KCNT2: variants seen among roughly 807,000 people sequenced by gnomAD.
KCNT2 encodes potassium sodium-activated channel subfamily T member 2, also known as potassium channel subfamily T member 2.
Under a neutral mutation model 153.8 loss-of-function variants are expected in KCNT2, and 67 were observed. The ratio of observed to expected loss-of-function variants is 0.44; its 90% CI spans 0.36 to 0.53. The LOEUF is 0.53. Ranked by LOEUF, KCNT2 falls within the 20% of genes least tolerant of loss-of-function variation. The probability of loss-of-function intolerance (pLI) is 0.00; values close to 1 mark genes in which losing one functional copy is unlikely to be tolerated. For synonymous variants in KCNT2, 500 were observed against 458.8 expected, an observed-to-expected ratio of 1.09 and a Z score of -1.15; for missense variants, 975 against 1,354.8, an observed-to-expected ratio of 0.72 and a Z score of 4.40.
At chr1:196,529,849 C>T (rs1041267116) in intron 1 of KCNT2, among the ~76,000 whole-genome samples, 2 of 151,970 alleles carry the variant, frequency 1.3e-5, no homozygotes, top group African/African-American at 4.8e-5. Context: ...GTTTGGTGCT[C>T]AAAATATAGA....
At chr1:196,484,920 C>A (rs1308536162) in intron 3 of KCNT2, among the ~76,000 whole-genome samples, 1 of 152,022 alleles carries the variant, frequency 6.6e-6, no homozygotes, top group Non-Finnish European at 1.5e-5. Flanking sequence ...CCAGAAATAC[C>A]ATTTGACCCA....
At chr1:196,444,478 A>G (rs1190930198) in intron 8 of KCNT2, among the ~76,000 whole-genome samples, 2 of 151,350 alleles carry the variant, frequency 1.3e-5, no homozygotes, top group African/African-American at 4.8e-5. Context: ...TTTACCTTAA[A>G]AAAAGGGAAT....
chr1:196,273,898 T>C (rs1451043687), intron 25 of KCNT2, among the ~76,000 whole-genome samples: 1 of 151,798 alleles, frequency 6.6e-6, no homozygotes, highest in Middle Eastern at 3.4e-3. Context: ...TAATATGCTT[T>C]AAGTATAAAA....
chr1:196,426,241 A>C (rs1673645247), intron 10 of KCNT2, among the ~76,000 whole-genome samples: 1 of 152,012 alleles, frequency 6.6e-6, no homozygotes, highest in Non-Finnish European at 1.5e-5. Context: ...TAAGACCATA[A>C]GGGAAGGTAA....
chr1:196,504,767 G>A (rs1381881826), intron 1 of KCNT2, among the ~76,000 whole-genome samples: 2 of 152,070 alleles, frequency 1.3e-5, no homozygotes, highest in Non-Finnish European at 2.9e-5. Context: ...ACTTTTTAAC[G>A]ATTGCCATTC....
intron 8 of KCNT2, among the ~76,000 whole-genome samples, chr1:196,448,360 T>A (rs1254702759): frequency 6.6e-6 from 1 of 151,560 alleles, no homozygotes; most frequent in South Asian, 2.1e-4. Flanking sequence ...TTATAAAAAA[T>A]ATATTGTATT....
intron 25 of KCNT2, among the ~76,000 whole-genome samples, chr1:196,278,455 C>A (rs1320609021): frequency 2.0e-5 from 3 of 152,046 alleles, no homozygotes; most frequent in African/African-American, 7.2e-5. Context: ...CTTTTATCAT[C>A]CCAATGATAT....
intron 24 of KCNT2, 93 bp downstream of exon 24, chr1:196,282,180 C>A: frequency 1.8e-6 from 1 of 559,534 alleles, no homozygotes; most frequent in South Asian, 3.5e-5. Flanking sequence ...CAAAAAATAA[C>A]ACATGACATA....
rs183921711 is a variant in KCNT2 at position 196,585,596 on chromosome 1, T to G, written c.95+22619A>C. Among the ~76,000 whole-genome samples, 50 of 136,782 alleles carry G rather than the reference T, an allele frequency of 3.7e-4. 1 individual carries two copies. In the East Asian group the frequency reaches 8.7e-3, roughly 24 times the overall value. The allele number at this position is 136,782 out of a possible 152,430, so 89.7% of individuals were successfully genotyped here. A position where few individuals can be genotyped will look rare whatever the true frequency, so the allele number is the denominator to read the frequency against. Reference sequence around the variant, plus strand: ...TTATTACAGCCAAGAGGAAGCTAACTAATTAAAAAAAAACATTATAGAGAT... The same window carrying G: ...TTATTACAGCCAAGAGGAAGCTAACGAATTAAAAAAAAACATTATAGAGAT... On this transcript the variant is annotated intron_variant, in intron 1 of 27. Transcript: ENST00000294725.
chr1:196,395,075 C>G (rs1670815240), intron 13 of KCNT2, among the ~76,000 whole-genome samples: 1 of 150,674 alleles, frequency 6.6e-6, no homozygotes, highest in African/African-American at 2.4e-5. Flanking sequence ...TATGGTTATT[C>G]TCTTTTAACA....
chr1:196,339,520 CAG>C (rs5779831), intron 16 of KCNT2, among the ~76,000 whole-genome samples: 91,664 of 137,630 alleles, frequency 0.67, 32,681 homozygotes, highest in East Asian at 0.91. Flanking sequence ...CACACACACA[CAG>C]AGAGAGAGAG....
rs200115081 is a variant in KCNT2, at chr1:196,280,950, A to G, written c.2820T>C (p.Tyr940=). 1.2e-5 allele frequency: 19 copies of G among 1,611,480 alleles called. No individual in the cohort carries two copies. Among genetic ancestry groups the G allele is most frequent in the Non-Finnish European group, 1.6e-5 (19 of 1,177,750 alleles). The part of the protein sequence containing the change: ...ITADDLWIRT[Y]ARLYQKLCSS... ...AACACAACTTCTGATAAAGTCTGGCATAAGTTCTGATCCATAAGTCATCTG... is the reference window on the plus strand; with the variant it reads ...AACACAACTTCTGATAAAGTCTGGCGTAAGTTCTGATCCATAAGTCATCTG... Residue 940 remains tyrosine, a synonymous_variant, in exon 25 of 28, where the codon TAT becomes TAC. Coordinates refer to ENST00000294725, the MANE Select transcript of KCNT2 (RefSeq NM_198503.5).
intron 26 of KCNT2, among the ~76,000 whole-genome samples, chr1:196,247,802 C>T (rs1489918798): frequency 6.6e-6 from 1 of 152,086 alleles, no homozygotes; most frequent in Non-Finnish European, 1.5e-5. Flanking sequence ...GGTGGGGGCA[C>T]AACCAAAATC....
intron 22 of KCNT2, among the ~76,000 whole-genome samples, chr1:196,291,362 G>A (rs1462344141): frequency 1.3e-5 from 2 of 151,632 alleles, no homozygotes; most frequent in South Asian, 4.2e-4. Context: ...AGATTTTTAT[G>A]ACACTATTTT....
rs1167406658 is a variant in KCNT2 at position 196,228,086 on chromosome 1, A to T, written c.*138T>A. 1 of 596,060 alleles carries T rather than the reference A, an allele frequency of 1.7e-6. No individual in the cohort carries two copies. The highest frequency in any genetic ancestry group is 1.9e-5 in the African/African-American group (1 of 53,080). The allele number at this position is 596,060 out of a possible 1,614,324, so 36.9% of individuals were successfully genotyped here. On this transcript the variant is annotated 3_prime_UTR_variant, in exon 28 of 28. Transcript: ENST00000294725. Reference sequence around the variant, plus strand: ...AGTACATTAAGTTTCAAAATGATCTATACTTCTAAGAGAAGAGATTACGTT... The same window carrying T: ...AGTACATTAAGTTTCAAAATGATCTTTACTTCTAAGAGAAGAGATTACGTT...
chr1:196,488,995 T>A (rs893983230), intron 3 of KCNT2, among the ~76,000 whole-genome samples: 4 of 152,000 alleles, frequency 2.6e-5, no homozygotes, highest in Non-Finnish European at 4.4e-5. Context: ...GATTTTAGAT[T>A]AACTGTTATC....
chr1:196,528,729 G>A (rs1388324060), intron 1 of KCNT2, among the ~76,000 whole-genome samples: 3 of 152,042 alleles, frequency 2.0e-5, no homozygotes, highest in African/African-American at 4.8e-5. Context: ...TCCCTCGCTC[G>A]TTAGGTAGAA....
chr1:196,593,507 C>T (rs925793010), intron 1 of KCNT2, among the ~76,000 whole-genome samples: 1 of 151,614 alleles, frequency 6.6e-6, no homozygotes, highest in African/African-American at 2.4e-5. Flanking sequence ...TGGGTAGATA[C>T]CCAGTAGTGG....
At chr1:196,466,180 T>TA (rs1677599608) in intron 7 of KCNT2, among the ~76,000 whole-genome samples, 1 of 152,124 alleles carries the variant, frequency 6.6e-6, no homozygotes, top group African/African-American at 2.4e-5. Context: ...TATCCTGTCT[T>TA]GTTTGAGTTA....
Sources: gnomAD v4.1 joint callset for allele counts (sites outside exome capture counted in the v4.1 genomes callset) on GRCh38, gnomAD v4.1.1 for gene constraint, MANE v1.5 for transcripts, NCBI Gene and HGNC (gene_info 2026-07-23, HGNC 2026-07-21) for gene names.